The following MIGA2 variants were observed in gnomAD, a reference collection of about 807,000 sequenced individuals.
The protein encoded by MIGA2 is family with sequence similarity 73, member B.
In MIGA2, 36 loss-of-function variants were observed where a neutral mutation model predicts 69.9. The observed-to-expected ratio is 0.52, with a 90% CI of 0.39 to 0.68. MIGA2 has a LOEUF of 0.68. Ranked by LOEUF, MIGA2 falls within the 30% of genes least tolerant of loss-of-function variation. The pLI, the probability that MIGA2 is intolerant of heterozygous loss-of-function variation, is 0.00. For synonymous variants in MIGA2, 333 were observed against 349.2 expected, an observed-to-expected ratio of 0.95 and a Z score of 0.52; for missense variants, 660 against 787.7, an observed-to-expected ratio of 0.84 and a Z score of 1.94.
At position 129,067,957 on chromosome 9, in the gene MIGA2, G is replaced by T. The variant is rs1376672258; in HGVS notation, c.1269+86G>T. ...GGTTCTTGTGCCGAGCTCTAGCTCA[G>T]TTCCAAGCGGCTGAGACGGTTCCAT... is the stretch of plus-strand genomic sequence containing the variant. On this transcript the variant is annotated intron_variant, in intron 12 of 15. Transcript: ENST00000684074. The T allele has an allele frequency of 3.4e-6, 5 of 1,459,012 alleles. No homozygotes were observed. In the African/African-American group the frequency reaches 4.2e-5, roughly 12 times the overall value. The allele number at this position is 1,459,012 out of a possible 1,614,324, so 90.4% of individuals were successfully genotyped here. A position where few individuals can be genotyped will look rare whatever the true frequency, so the allele number is the denominator to read the frequency against.
At position 129,040,474 on chromosome 9, in the gene MIGA2, A is replaced by G; in HGVS notation, c.-121A>G. 7.0e-7 allele frequency: 1 copy of G among 1,427,768 alleles called. No individual in the cohort carries two copies. The highest frequency in any genetic ancestry group is 2.6e-5 in the East Asian group (1 of 38,582). The allele number at this position is 1,427,768 out of a possible 1,614,324, so 88.4% of individuals were successfully genotyped here. A position where few individuals can be genotyped will look rare whatever the true frequency, so the allele number is the denominator to read the frequency against. On this transcript the variant is annotated 5_prime_UTR_variant, in exon 2 of 16. It removes an upstream start codon present in the reference 5' UTR. Coordinates refer to ENST00000684074, the MANE Select transcript of MIGA2 (RefSeq NM_001329990.2). Reference sequence around the variant, plus strand: ...TAGCTCTGTGGAGGGGCCCTCTGGTATGTGTGTCCCTGTCCTTCTGGGGCG... The same window carrying G: ...TAGCTCTGTGGAGGGGCCCTCTGGTGTGTGTGTCCCTGTCCTTCTGGGGCG...
intron 11 of MIGA2, among the ~76,000 whole-genome samples, chr9:129,063,841 C>T (rs1379954899): frequency 2.0e-5 from 3 of 152,166 alleles, no homozygotes; most frequent in African/African-American, 4.8e-5. Context: ...TGGAGTGTGG[C>T]GGCATGTGGC....
intron 3 of MIGA2, among the ~76,000 whole-genome samples, chr9:129,047,479 C>T (rs1202559914): frequency 2.6e-5 from 4 of 151,858 alleles, no homozygotes; most frequent in Non-Finnish European, 5.9e-5. Context: ...GTGGCACAGT[C>T]TTGGCTCACT....
At chr9:129,066,650 G>A (rs1286902490) in intron 11 of MIGA2, among the ~76,000 whole-genome samples, 1 of 115,494 alleles carries the variant, frequency 8.7e-6, no homozygotes, top group Non-Finnish European at 1.7e-5. Flanking sequence ...CTCCAGCCTG[G>A]GCGACCAAAA....
At chr9:129,064,013 C>T (rs548549994) in intron 11 of MIGA2, among the ~76,000 whole-genome samples, 2 of 152,168 alleles carry the variant, frequency 1.3e-5, no homozygotes, top group South Asian at 4.1e-4. Context: ...CCTTCTACTG[C>T]TCTCTTGTGA....
At chr9:129,066,544 G>A (rs1464876373) in intron 11 of MIGA2, among the ~76,000 whole-genome samples, 1 of 150,632 alleles carries the variant, frequency 6.6e-6, no homozygotes, top group African/African-American at 2.4e-5. Context: ...CATGGTGGTG[G>A]GCGCCTGTAG....
rs150287726 is a variant in MIGA2, at chr9:129,042,965, C to T, written c.307+451C>T. ...ATCCCAGCTCCTTGGGAAGCCGAGGCGGGCAGATCACAAGGTTAGGAGATC... is the reference window on the plus strand; with the variant it reads ...ATCCCAGCTCCTTGGGAAGCCGAGGTGGGCAGATCACAAGGTTAGGAGATC... On this transcript the variant is annotated intron_variant, in intron 3 of 15. Transcript: ENST00000684074. Among the ~76,000 whole-genome samples the T allele has an allele frequency of 6.2e-4, 95 of 152,268 alleles. 2 individuals are homozygous for T. In the South Asian group the frequency reaches 0.016, roughly 26 times the overall value.
rs754168283 is a variant in MIGA2 at position 129,042,461 on chromosome 9, G to A, written c.254G>A (p.Gly85Asp). Reference sequence around the variant, plus strand: ...CCCGAGATGGGAGGGGAGCAGCTGGGCACGGTGCCCCTCCCTATCCTCTTG... The same window carrying A: ...CCCGAGATGGGAGGGGAGCAGCTGGACACGGTGCCCCTCCCTATCCTCTTG... The part of the protein sequence containing the change: ...VGPEMGGEQL[G>D]TVPLPILLAR... The change falls in exon 3 of 16, where the codon GGC becomes GAC. Residue 85 changes from glycine to aspartate, a missense_variant. Physicochemically the swap from Gly to Asp is moderately conservative, Grantham distance 94 (BLOSUM62 -1). Around this residue, in one of 3 missense-constraint regions of MIGA2, gnomAD observed 386 missense variants for 402.0 expected, o/e 0.96. Transcript: ENST00000684074. 4 of 1,606,578 alleles carry A rather than the reference G, an allele frequency of 2.5e-6. No homozygotes were observed. Among genetic ancestry groups the A allele is most frequent in the Non-Finnish European group, 3.4e-6 (4 of 1,177,082 alleles).
chr9:129,069,178 C>A lies in MIGA2; in HGVS notation c.1458+49C>A. The A allele has an allele frequency of 6.2e-7, 1 of 1,610,820 alleles. No individual in the cohort carries two copies. The highest frequency in any genetic ancestry group is 8.5e-7 in the Non-Finnish European group (1 of 1,178,214). On this transcript the variant is annotated intron_variant, in intron 14 of 15. Transcript: ENST00000684074. The surrounding 1 kb of genome is among the most constrained non-coding windows in gnomAD (Gnocchi z 4.9). ...GAGCACGAGCTGGGCTCTGAGGCAG[C>A]GTGGTGGGGAGCGGAGCGGGTGCAG...
intron 6 of MIGA2, among the ~76,000 whole-genome samples, chr9:129,053,439 C>T (rs1845648616): frequency 6.6e-6 from 1 of 150,738 alleles, no homozygotes. Flanking sequence ...TCTTGGCTCA[C>T]TGCAACTTCT....
At position 129,067,800 on chromosome 9, in the gene MIGA2, G is replaced by A; in HGVS notation, c.1198G>A (p.Glu400Lys). ...KSPKGFLESY[E>K]EMLSYALRPE... ...CCCCAAAGGCTTCCTGGAGAGCTAC[G>A]AGGAGATGCTGAGCTATGCCCTGCG... is the stretch of plus-strand genomic sequence containing the variant. Residue 400 changes from glutamate (E) to lysine (K), a missense_variant, in exon 12 of 16, where the codon GAG (glutamate) becomes AAG (lysine). Physicochemically the swap from Glu to Lys is moderately conservative, Grantham distance 56 (BLOSUM62 1). Transcript: ENST00000684074. 8 of 1,613,060 alleles carry A rather than the reference G, an allele frequency of 5.0e-6. No homozygotes were observed. The highest frequency in any genetic ancestry group is 1.3e-5 in the African/African-American group (1 of 75,060).
chr9:129,070,721 C>A lies in MIGA2; in HGVS notation c.*268C>A. 1 of 493,224 alleles carries A rather than the reference C, an allele frequency of 2.0e-6. No homozygotes were observed. Among genetic ancestry groups the A allele is most frequent in the Non-Finnish European group, 3.6e-6 (1 of 276,868 alleles). The allele number at this position is 493,224 out of a possible 1,614,324, so 30.6% of individuals were successfully genotyped here. ...AATTGGGACAGGCAGAGCCAGGATG[C>A]CCCAGGTGGGGGACCCCAAAACCTC... On this transcript the variant is annotated 3_prime_UTR_variant, in exon 16 of 16. Transcript: ENST00000684074.
chr9:129,040,569 A>G lies in MIGA2; in HGVS notation c.-26A>G. The G allele has an allele frequency of 3.7e-6, 6 of 1,601,834 alleles. No homozygotes were observed. Among genetic ancestry groups the G allele is most frequent in the Non-Finnish European group, 5.1e-6 (6 of 1,171,390 alleles). ...TCCTTGGAAGCTCTTGGCCCTGAGG[A>G]CTTTGCCTGGGGCATTGGCCCTGCC... On this transcript the variant is annotated 5_prime_UTR_variant, in exon 2 of 16. Transcript: ENST00000684074.
chr9:129,069,661 C>A lies in MIGA2; in HGVS notation c.1459-188C>A, dbSNP rs1182001089. ...CACCTCTTGCAGTACTCACAGCGGCCCATGGTTACCCTGTCTGCAGAAGTT... is the reference window on the plus strand; with the variant it reads ...CACCTCTTGCAGTACTCACAGCGGCACATGGTTACCCTGTCTGCAGAAGTT... On this transcript the variant is annotated intron_variant, in intron 14 of 15. Coordinates refer to ENST00000684074, the MANE Select transcript of MIGA2 (RefSeq NM_001329990.2). The surrounding 1 kb of genome is among the most constrained non-coding windows in gnomAD (Gnocchi z 4.9). The A allele has an allele frequency of 3.2e-6, 2 of 622,862 alleles. No homozygotes were observed. The highest frequency in any genetic ancestry group is 3.6e-5 in the African/African-American group (2 of 54,798). 38.6% of individuals were successfully genotyped at this position (622,862 alleles called of 1,614,324 possible).
rs757092749 is a variant in MIGA2, at chr9:129,049,450, G to T, written c.490G>T (p.Glu164Ter). 6.2e-7 allele frequency: 1 copy of T among 1,613,462 alleles called. No individual in the cohort carries two copies. The highest frequency in any genetic ancestry group is 1.3e-5 in the African/African-American group (1 of 74,932). ...SGLWDARGME[E>*]SLTTSDGNAE... ...ACTATGGGATGCCAGAGGGATGGAG[G>T]AGTCTCTGACCACCAGCGACGGCAA... Residue 164 changes from glutamate to a stop codon, truncating the protein, a stop_gained, in exon 5 of 16, where the codon GAG becomes TAG. Coordinates refer to ENST00000684074, the MANE Select transcript of MIGA2 (RefSeq NM_001329990.2). LOFTEE classifies it high-confidence loss of function.
chr9:129,036,824 G>T (rs1378592582), intron 1 of MIGA2, 143 bp downstream of exon 1: 13 of 478,520 alleles, frequency 2.7e-5, no homozygotes, highest in African/African-American at 4.3e-5. Flanking sequence ...GGGTACCCGG[G>T]CCGGGGACGG....
chr9:129,049,208 T>C (rs140810949), intron 4 of MIGA2, among the ~76,000 whole-genome samples, 173 bp from the exon 5 acceptor site: 2,611 of 152,202 alleles, frequency 0.017, 74 homozygotes, highest in African/African-American at 0.054. Context: ...ATCAGGCAGT[T>C]TGTGGGTCCA....
intron 3 of MIGA2, among the ~76,000 whole-genome samples, chr9:129,047,424 T>C (rs1490461011): frequency 2.0e-5 from 3 of 151,540 alleles, no homozygotes; most frequent in African/African-American, 7.3e-5. Context: ...TCATTAAATT[T>C]TTTTTTTTGA....
Position 129,051,698 on chromosome 9 carries a change from G to A in MIGA2, c.675+1735G>A, listed in dbSNP as rs907801546. Reference sequence around the variant, plus strand: ...TGCAAGCTCTGCCTCCCAGGTTTACGCCATTCTCTTGCCTCAGCCTCCCCA... The same window carrying A: ...TGCAAGCTCTGCCTCCCAGGTTTACACCATTCTCTTGCCTCAGCCTCCCCA... On this transcript the variant is annotated intron_variant, in intron 6 of 15. Transcript: ENST00000684074. 3.3e-5 allele frequency among the ~76,000 whole-genome samples: 5 copies of A among 151,400 alleles called. No homozygotes were observed. The South Asian group carries it at 6.2e-4, about 19-fold the overall frequency.
Sources: gnomAD v4.1 joint callset for allele counts (sites outside exome capture counted in the v4.1 genomes callset) on GRCh38, gnomAD v4.1.1 for gene constraint, gnomAD v4.1.1 regional missense constraint, Gnocchi (gnomAD v3.1) non-coding constraint, MANE v1.5 for transcripts, NCBI Gene and HGNC (gene_info 2026-07-23, HGNC 2026-07-21) for gene names.